GULP1: variants seen among roughly 807,000 people sequenced by gnomAD.
GULP1 encodes the protein GULP PTB domain containing engulfment adaptor 1, also known as PTB domain-containing engulfment adapter protein 1.
A neutral mutation model predicts 40.9 loss-of-function variants in GULP1; 19 were observed. The observed-to-expected ratio is 0.46, with a 90% CI of 0.32 to 0.68. The LOEUF (loss-of-function observed/expected upper bound fraction) is 0.68, where lower values mean the gene tolerates loss of function less well. GULP1 is among the 30% of genes least tolerant of loss of function. GULP1 has a pLI of 0.03. For missense variants in GULP1, 312 were observed against 362.2 expected, an observed-to-expected ratio of 0.86 and a Z score of 1.12; for synonymous variants, 119 against 117.6, an observed-to-expected ratio of 1.01 and a Z score of -0.08.
chr2:188,509,259 C>T (rs986881798), intron 4 of GULP1, among the ~76,000 whole-genome samples: 1 of 152,054 alleles, frequency 6.6e-6, no homozygotes, highest in African/African-American at 2.4e-5. Flanking sequence ...TGTTCCAGCT[C>T]AGAGTGTTTT....
intron 2 of GULP1, among the ~76,000 whole-genome samples, chr2:188,385,527 C>T (rs182208672): frequency 8.5e-5 from 13 of 152,280 alleles, no homozygotes; most frequent in Admixed American, 8.5e-4. Flanking sequence ...CTCCTTGTTA[C>T]TTATGCAAAT....
At chr2:188,496,714 G>T (rs185560643) in intron 4 of GULP1, among the ~76,000 whole-genome samples, 61 of 152,008 alleles carry the variant, frequency 4.0e-4, no homozygotes, top group Middle Eastern at 3.4e-3. Flanking sequence ...TTGGATTTGT[G>T]TCCCTACCCC....
At chr2:188,345,916 C>A (rs960372840) in intron 1 of GULP1, among the ~76,000 whole-genome samples, 2 of 152,156 alleles carry the variant, frequency 1.3e-5, no homozygotes, top group Non-Finnish European at 2.9e-5. Flanking sequence ...GTCACTCTGT[C>A]TGATGTTATG....
intron 7 of GULP1, among the ~76,000 whole-genome samples, chr2:188,553,819 C>T (rs1694100159): frequency 6.6e-6 from 1 of 151,978 alleles, no homozygotes; most frequent in Non-Finnish European, 1.5e-5. Context: ...ATTACTGATT[C>T]AATATTGCTA....
At chr2:188,353,475 C>T (rs1320919837) in intron 1 of GULP1, among the ~76,000 whole-genome samples, 1 of 152,084 alleles carries the variant, frequency 6.6e-6, no homozygotes, top group African/African-American at 2.4e-5. Flanking sequence ...CCATAGGGGC[C>T]TGAGCTGAAG....
At chr2:188,421,483 A>C (rs2055403008) in intron 2 of GULP1, among the ~76,000 whole-genome samples, 2 of 152,192 alleles carry the variant, frequency 1.3e-5, no homozygotes, top group South Asian at 4.1e-4. Context: ...AAATAAAAAA[A>C]TGAGAGGTTA....
intron 4 of GULP1, among the ~76,000 whole-genome samples, chr2:188,494,077 A>T (rs931338088): frequency 6.6e-6 from 1 of 152,054 alleles, no homozygotes; most frequent in African/African-American, 2.4e-5. Flanking sequence ...AACCCATGTG[A>T]CATAATGCAT....
At chr2:188,498,695 T>G (rs190386238) in intron 4 of GULP1, among the ~76,000 whole-genome samples, 1 of 151,754 alleles carries the variant, frequency 6.6e-6, no homozygotes, top group Non-Finnish European at 1.5e-5. Flanking sequence ...AAAAATAATA[T>G]ATTATGTAGT....
intron 1 of GULP1, among the ~76,000 whole-genome samples, chr2:188,344,765 A>G (rs906374417): frequency 6.6e-6 from 1 of 152,152 alleles, no homozygotes; most frequent in Admixed American, 6.5e-5. Flanking sequence ...CTGATTGTAG[A>G]TGTGACACTC....
chr2:188,410,454 G>A (rs2053711604), intron 2 of GULP1, among the ~76,000 whole-genome samples: 1 of 151,998 alleles, frequency 6.6e-6, no homozygotes, highest in Non-Finnish European at 1.5e-5. Flanking sequence ...TCTGATAAGG[G>A]GTTAATAGCC....
chr2:188,567,402 T>C (rs58313554), intron 7 of GULP1, among the ~76,000 whole-genome samples: 1,662 of 152,168 alleles, frequency 0.011, 37 homozygotes, highest in African/African-American at 0.037. Flanking sequence ...CAATGATAGA[T>C]TGGATAAAGA....
At chr2:188,449,501 C>T (rs866401630) in intron 2 of GULP1, among the ~76,000 whole-genome samples, 2 of 152,134 alleles carry the variant, frequency 1.3e-5, no homozygotes, top group East Asian at 1.9e-4. Flanking sequence ...AGTGAATATA[C>T]TTCTGGGGAT....
chr2:188,310,272 G>T (rs2037860835), intron 1 of GULP1, among the ~76,000 whole-genome samples: 1 of 152,150 alleles, frequency 6.6e-6, no homozygotes. Context: ...GAGCAAGACA[G>T]AATGAAGAGG....
intron 2 of GULP1, among the ~76,000 whole-genome samples, chr2:188,421,750 G>A (rs772508800): frequency 6.6e-6 from 1 of 152,104 alleles, no homozygotes; most frequent in Non-Finnish European, 1.5e-5. Context: ...CCACTCCAAT[G>A]CCTGCTTAAT....
At chr2:188,322,410 T>G (rs2040124202) in intron 1 of GULP1, among the ~76,000 whole-genome samples, 5 of 152,200 alleles carry the variant, frequency 3.3e-5, no homozygotes. Flanking sequence ...GGCATGAACT[T>G]TGTAATACCT....
chr2:188,437,440 A>G (rs2057511417), intron 2 of GULP1, among the ~76,000 whole-genome samples: 1 of 152,128 alleles, frequency 6.6e-6, no homozygotes, highest in Non-Finnish European at 1.5e-5. Flanking sequence ...CAATCAAAGT[A>G]CTTGGACTTG....
intron 1 of GULP1, among the ~76,000 whole-genome samples, chr2:188,382,862 C>T (rs561824924): frequency 1.3e-4 from 20 of 152,192 alleles, no homozygotes; most frequent in East Asian, 1.2e-3. Context: ...AGCTGGAAAA[C>T]GATGGCTTTC....
intron 2 of GULP1, among the ~76,000 whole-genome samples, chr2:188,451,466 G>T (rs2152920435): frequency 6.6e-6 from 1 of 152,260 alleles, no homozygotes; most frequent in Non-Finnish European, 1.5e-5. Context: ...GGACATCTTT[G>T]TAACAGGGCA....
intron 2 of GULP1, among the ~76,000 whole-genome samples, chr2:188,411,495 G>A (rs2053876288): frequency 6.6e-6 from 1 of 152,184 alleles, no homozygotes; most frequent in South Asian, 2.1e-4. Context: ...GATGAAAGGG[G>A]TGGCTGGGGA....
Sources: allele counts gnomAD v4.1 joint callset (sites outside exome capture counted in the v4.1 genomes callset), GRCh38; gene constraint gnomAD v4.1.1; transcripts MANE v1.5; gene names NCBI Gene and HGNC (gene_info 2026-07-23, HGNC 2026-07-21).